Variants in NEDD4L observed in about 807,000 individuals in gnomAD.
NEDD4L encodes the protein NEDD4 like E3 ubiquitin protein ligase, also known as E3 ubiquitin-protein ligase NEDD4-like.
NEDD4L carries 54 observed loss-of-function variants against 148.9 expected under a neutral mutation model. That is an observed-to-expected ratio of 0.36 (90% CI 0.29 to 0.45). The LOEUF (loss-of-function observed/expected upper bound fraction) is 0.45. Ranked by LOEUF, NEDD4L falls within the 20% of genes least tolerant of loss-of-function variation. NEDD4L has a pLI of 1.00. For missense variants in NEDD4L, 856 were observed against 1,233.8 expected (o/e 0.69, Z 4.59); for synonymous variants, 433 against 440.7 (o/e 0.98, Z 0.22).
chr18:58,082,109 T>A (rs1169482904), intron 1 of NEDD4L, among the ~76,000 whole-genome samples: 12 of 125,482 alleles, frequency 9.6e-5, no homozygotes, highest in African/African-American at 3.7e-4. Context: ...TATATTTTTT[T>A]TTTTTTTTTT....
At chr18:58,228,841 G>A (rs1225684486) in intron 2 of NEDD4L, among the ~76,000 whole-genome samples, 1 of 152,206 alleles carries the variant, frequency 6.6e-6, no homozygotes, top group African/African-American at 2.4e-5. Flanking sequence ...AGTTCTTTAT[G>A]GGAAAGCCCA....
chr18:58,214,478 G>T (rs921159286), intron 2 of NEDD4L, among the ~76,000 whole-genome samples: 2 of 152,188 alleles, frequency 1.3e-5, no homozygotes, highest in Non-Finnish European at 2.9e-5. Context: ...CATCTGTAGA[G>T]CAGGGATAAT....
intron 1 of NEDD4L, among the ~76,000 whole-genome samples, chr18:58,065,398 C>G (rs542578031): frequency 6.6e-6 from 1 of 152,264 alleles, no homozygotes; most frequent in Non-Finnish European, 1.5e-5. Flanking sequence ...GCATTGCGCA[C>G]TATGCTGCTG....
chr18:58,152,970 A>T (rs904757430), intron 1 of NEDD4L, among the ~76,000 whole-genome samples: 3 of 152,176 alleles, frequency 2.0e-5, no homozygotes, highest in Admixed American at 2.0e-4. Flanking sequence ...GTTGACAGCC[A>T]CCTATGGGGT....
At chr18:58,340,297 C>CTAA (rs2042260137) in intron 13 of NEDD4L, among the ~76,000 whole-genome samples, 1 of 152,188 alleles carries the variant, frequency 6.6e-6, no homozygotes, top group Non-Finnish European at 1.5e-5. Context: ...TGTGGACTGT[C>CTAA]TAAATACAGT....
rs534628103 is a variant in NEDD4L at position 58,343,303 on chromosome 18, T to C, written c.1575+200T>C. Among the ~76,000 whole-genome samples the C allele has an allele frequency of 6.6e-5, 10 of 152,036 alleles. No homozygotes were observed. The South Asian group carries it at 2.1e-3, about 32-fold the overall frequency. ...GTGGGCACAGGCTGGTAGCTGTCTT[T>C]GGTATTGGTGCTGGGACTGCCTTTT... On this transcript the variant is annotated intron_variant, in intron 16 of 30. Coordinates refer to ENST00000400345, the MANE Select transcript of NEDD4L (RefSeq NM_001144967.3).
chr18:58,219,551 A>C (rs1469436847), intron 2 of NEDD4L, among the ~76,000 whole-genome samples: 2 of 152,166 alleles, frequency 1.3e-5, no homozygotes, highest in Non-Finnish European at 2.9e-5. Context: ...CCTGCGATGA[A>C]GCAGGATTGG....
At chr18:58,359,084 A>T (rs1002849295) in intron 19 of NEDD4L, among the ~76,000 whole-genome samples, 1 of 151,928 alleles carries the variant, frequency 6.6e-6, no homozygotes. Context: ...GTGGTGTTCA[A>T]ATTATCTACA....
intron 1 of NEDD4L, among the ~76,000 whole-genome samples, chr18:58,157,195 A>AAG (rs2035610676): frequency 6.6e-6 from 1 of 151,894 alleles, no homozygotes; most frequent in East Asian, 1.9e-4. Flanking sequence ...CAAAAAAAAA[A>AAG]AAAAAAAGAA....
intron 5 of NEDD4L, among the ~76,000 whole-genome samples, chr18:58,263,101 A>G (rs2052849032): frequency 6.6e-6 from 1 of 152,176 alleles, no homozygotes; most frequent in South Asian, 2.1e-4. Context: ...GGGCCCTCCT[A>G]TCTCTGATTT....
chr18:58,322,075 G>A (rs539891681), intron 6 of NEDD4L, among the ~76,000 whole-genome samples: 7 of 152,228 alleles, frequency 4.6e-5, no homozygotes, highest in East Asian at 1.9e-4. Flanking sequence ...TATGTGTCTC[G>A]AGTCACAGGC....
At chr18:58,168,660 G>A (rs1341177766) in intron 2 of NEDD4L, among the ~76,000 whole-genome samples, 1 of 151,490 alleles carries the variant, frequency 6.6e-6, no homozygotes, top group Non-Finnish European at 1.5e-5. Flanking sequence ...CCGCACCTCT[G>A]TGCCTGATCA....
chr18:58,287,429 TCA>T (rs1176738560), intron 5 of NEDD4L, among the ~76,000 whole-genome samples: 2 of 152,188 alleles, frequency 1.3e-5, no homozygotes, highest in Non-Finnish European at 2.9e-5. Flanking sequence ...CCCATGGAGA[TCA>T]CAGAGTAGAA....
At chr18:58,320,891 A>AT (rs1187968218) in intron 6 of NEDD4L, among the ~76,000 whole-genome samples, 1 of 152,224 alleles carries the variant, frequency 6.6e-6, no homozygotes, top group Non-Finnish European at 1.5e-5. Flanking sequence ...TAAATTATCC[A>AT]TTTATTTCCT....
rs149227778 is a variant in NEDD4L at position 58,171,478 on chromosome 18, T to A, written c.122+5617T>A. The stretch of plus-strand genomic sequence containing the variant: ...CCAGCCCAAGGGGACAGAACACTGC[T>A]GCTCCTGGGGCTGTAGTGGGTGTAC... On this transcript the variant is annotated intron_variant, in intron 2 of 30. Coordinates refer to ENST00000400345, the MANE Select transcript of NEDD4L (RefSeq NM_001144967.3). Among the ~76,000 whole-genome samples, 335 of 150,320 alleles carry A rather than the reference T, an allele frequency of 2.2e-3. 8 individuals are homozygous for A. Among genetic ancestry groups the A allele is most frequent in the African/African-American group, 8.1e-3 (320 of 39,666 alleles).
At chr18:58,056,083 A>G (rs4641835) in intron 1 of NEDD4L, among the ~76,000 whole-genome samples, 113,771 of 152,146 alleles carry the variant, frequency 0.75, 43,014 homozygotes, top group East Asian at 0.98. Flanking sequence ...GTGTGACCTA[A>G]AGTGTATCTC....
At chr18:58,202,802 CTTTA>C (rs2041564468) in intron 2 of NEDD4L, among the ~76,000 whole-genome samples, 1 of 152,148 alleles carries the variant, frequency 6.6e-6, no homozygotes, top group African/African-American at 2.4e-5. Context: ...AGTGCCCTAG[CTTTA>C]TTTATTTTCT....
intron 2 of NEDD4L, among the ~76,000 whole-genome samples, chr18:58,203,945 TG>T (rs1308999897): frequency 6.6e-6 from 1 of 152,206 alleles, no homozygotes; most frequent in Non-Finnish European, 1.5e-5. Context: ...TCAATCCAAC[TG>T]CTGTGAAAAA....
chr18:58,396,299 T>G lies in NEDD4L; in HGVS notation c.*30T>G. 6.9e-7 allele frequency: 1 copy of G among 1,441,224 alleles called. No individual in the cohort carries two copies. Among genetic ancestry groups the G allele is most frequent in the Non-Finnish European group, 9.7e-7 (1 of 1,029,134 alleles). 89.3% of individuals were successfully genotyped at this position (1,441,224 alleles called of 1,614,324 possible). A position where few individuals can be genotyped will look rare whatever the true frequency, so the allele number is the denominator to read the frequency against. On this transcript the variant is annotated 3_prime_UTR_variant, in exon 31 of 31. Transcript: ENST00000400345. ...CCTGTGCCTCGGGGGTGGTTGTTCT[T>G]CAAGCAAGTTCTGCTTGCACTTTTG... is the stretch of plus-strand genomic sequence containing the variant.
Sources: gnomAD v4.1 joint callset for allele counts (sites outside exome capture counted in the v4.1 genomes callset) on GRCh38, gnomAD v4.1.1 for gene constraint, MANE v1.5 for transcripts, NCBI Gene and HGNC (gene_info 2026-07-23, HGNC 2026-07-21) for gene names.